BSPH1: variants seen among roughly 807,000 people sequenced by gnomAD.
BSPH1 encodes binder of sperm protein homolog 1, also known as binder of sperm 1.
A neutral mutation model predicts 22.5 loss-of-function variants in BSPH1; 21 were observed. That is an observed-to-expected ratio of 0.93 (90% CI 0.66 to 1.35). The LOEUF is 1.35. Among genes scored for constraint, BSPH1 ranks in the 40% most tolerant of loss-of-function variants. BSPH1 has a pLI of 0.00. For synonymous variants in BSPH1, 42 were observed against 53.6 expected, an observed-to-expected ratio of 0.78 and a Z score of 0.95; for missense variants, 141 against 154.2, an observed-to-expected ratio of 0.91 and a Z score of 0.45.
chr19:47,980,477 CTTTTT>C (rs11363158), intron 2 of BSPH1: 47 of 204,428 alleles, frequency 2.3e-4, no homozygotes, highest in Non-Finnish European at 3.2e-4. Flanking sequence ...CTTCTTCTTT[CTTTTT>C]TTTTTTTTTT....
chr19:47,970,244 A>G (rs891428022), intron 5 of BSPH1, among the ~76,000 whole-genome samples: 1 of 152,034 alleles, frequency 6.6e-6, no homozygotes, highest in Admixed American at 6.6e-5. Flanking sequence ...TTTTTAGTAG[A>G]GACTGGGCTT....
At chr19:47,988,706 A>T (rs567671811) in intron 1 of BSPH1, among the ~76,000 whole-genome samples, 20 of 152,290 alleles carry the variant, frequency 1.3e-4, no homozygotes, top group African/African-American at 4.8e-4. Flanking sequence ...TGAACTGGCA[A>T]AAGTGAAAAC....
chr19:47,977,314 G>T (rs1353723146), intron 4 of BSPH1, 59 bp downstream of exon 4: 1 of 1,378,644 alleles, frequency 7.3e-7, no homozygotes. Context: ...TTTTGCCTCA[G>T]ATCCCAGCCT....
intron 3 of BSPH1, among the ~76,000 whole-genome samples, chr19:47,979,363 TAA>T (rs1969397119): frequency 6.6e-6 from 1 of 152,202 alleles, no homozygotes; most frequent in Non-Finnish European, 1.5e-5. Flanking sequence ...TGGCAGAAAT[TAA>T]AGAGTAGACA....
intron 5 of BSPH1, among the ~76,000 whole-genome samples, chr19:47,969,684 G>GGGAGAGAGAGA (rs1162877914): frequency 8.8e-6 from 1 of 113,858 alleles, no homozygotes; most frequent in Non-Finnish European, 1.7e-5. Context: ...AGGGAGAGGG[G>GGGAGAGAGAGA]GAGAGAGAGA....
chr19:47,983,482 T>G lies in BSPH1; in HGVS notation c.74-2541A>C, dbSNP rs558975472. On this transcript the variant is annotated intron_variant, in intron 1 of 5. Transcript: ENST00000344839. The stretch of plus-strand genomic sequence containing the variant: ...ACGAGTGATTCCAACATAGCCTGTC[T>G]GCTAAGCACTATGATCTTAGAACAG... Among the ~76,000 whole-genome samples the G allele has an allele frequency of 6.6e-5, 10 of 152,278 alleles. No homozygotes were observed. The East Asian group carries it at 1.9e-3, about 29-fold the overall frequency.
chr19:47,973,257 T>C (rs1457600433), intron 5 of BSPH1, among the ~76,000 whole-genome samples: 1 of 142,168 alleles, frequency 7.0e-6, no homozygotes, highest in Non-Finnish European at 1.5e-5. Flanking sequence ...ATAATAATAA[T>C]AATAATGTAG....
Position 47,991,319 on chromosome 19 carries a change from C to T in BSPH1, c.73+690G>A, listed in dbSNP as rs570492092. On this transcript the variant is annotated intron_variant, in intron 1 of 5. Transcript: ENST00000344839. ...CCAGCTGATGTCCAAGATTTTATAG[C>T]CCCTGGAACTAACCACAACCACTTC... 2.0e-4 allele frequency among the ~76,000 whole-genome samples: 31 copies of T among 152,114 alleles called. No individual in the cohort carries two copies. In the South Asian group the frequency reaches 6.2e-3, roughly 31 times the overall value.
Position 47,976,855 on chromosome 19 carries a change from C to G in BSPH1, c.257-1G>C. The G allele has an allele frequency of 6.4e-7, 1 of 1,551,130 alleles. No homozygotes were observed. Among genetic ancestry groups the G allele is most frequent in the Non-Finnish European group, 8.7e-7 (1 of 1,146,826 alleles). ...AAGGGAAATACACAGTTTGCAAAAT[C>G]TGCAGAGGAGGAAGAGGAAGAAGCA... On this transcript the variant is annotated splice_acceptor_variant, in intron 4 of 5. Transcript: ENST00000344839. LOFTEE classifies it high-confidence loss of function.
intron 1 of BSPH1, among the ~76,000 whole-genome samples, chr19:47,986,052 G>A (rs1969467418): frequency 1.3e-5 from 2 of 152,128 alleles, no homozygotes; most frequent in African/African-American, 4.8e-5. Context: ...AGCCCCAGAG[G>A]AGGGAGGAGT....
chr19:47,990,265 C>T (rs1969511378), intron 1 of BSPH1, among the ~76,000 whole-genome samples: 1 of 151,924 alleles, frequency 6.6e-6, no homozygotes, highest in South Asian at 2.1e-4. Flanking sequence ...CTAACGAGCC[C>T]GGGGCCCATG....
At position 47,976,720 on chromosome 19, in the gene BSPH1, A is replaced by T. The variant is rs1408518760; in HGVS notation, c.391T>A (p.Cys131Ser). Residue 131 changes from cysteine to serine, a missense_variant, in exon 5 of 6, where the codon TGT becomes AGT. Coordinates refer to ENST00000344839, the MANE Select transcript of BSPH1 (RefSeq NM_001128326.2). ...CCTGGTAAATCTCACCATCATTCACAGTATTTCCAAATTCGGTCCTTGTTA... is the reference window on the plus strand; with the variant it reads ...CCTGGTAAATCTCACCATCATTCACTGTATTTCCAAATTCGGTCCTTGTTA... Reference protein sequence around the residue: ...NFNKDRIWKYCE With the variant: ...NFNKDRIWKYSE 23 of 1,551,754 alleles carry T rather than the reference A, an allele frequency of 1.5e-5. No homozygotes were observed. The highest frequency in any genetic ancestry group is 1.9e-5 in the Non-Finnish European group (22 of 1,146,982).
intron 2 of BSPH1, chr19:47,980,485 T>C (rs1444091316): frequency 5.1e-4 from 184 of 360,042 alleles, no homozygotes; most frequent in Non-Finnish European, 6.5e-4. Context: ...TTCTTTTTTT[T>C]TTTTTTTTTT....
intron 3 of BSPH1, among the ~76,000 whole-genome samples, chr19:47,978,025 TATATAG>T (rs1338178338): frequency 8.9e-5 from 13 of 145,962 alleles, no homozygotes; most frequent in African/African-American, 2.7e-4. Context: ...TATATATATA[TATATAG>T]TTATAGGTGC....
intron 1 of BSPH1, among the ~76,000 whole-genome samples, chr19:47,985,262 G>A (rs2122260777): frequency 6.6e-6 from 1 of 151,978 alleles, no homozygotes; most frequent in African/African-American, 2.4e-5. Context: ...GCCAGAGGGG[G>A]AAAAATACCT....
chr19:47,979,644 G>C, intron 2 of BSPH1, 45 bp from the exon 3 acceptor site: 1 of 905,718 alleles, frequency 1.1e-6, no homozygotes. Context: ...ACTATTATTA[G>C]GCTTTAAAAT....
At chr19:47,976,250 G>T (rs534871237) in intron 5 of BSPH1, among the ~76,000 whole-genome samples, 2 of 152,024 alleles carry the variant, frequency 1.3e-5, no homozygotes, top group South Asian at 4.2e-4. Context: ...TCAGCTTCCC[G>T]AGTAGCTGAG....
At chr19:47,967,514 C>T (rs2122233205), downstream of BSPH1, among the ~76,000 whole-genome samples, 1 of 152,286 alleles carries the variant, frequency 6.6e-6, no homozygotes, top group South Asian at 2.1e-4. Flanking sequence ...TTGGTTTCCT[C>T]AAAGCGTCTC....
chr19:47,973,051 T>C (rs940952120), intron 5 of BSPH1, among the ~76,000 whole-genome samples: 1 of 151,330 alleles, frequency 6.6e-6, no homozygotes, highest in Non-Finnish European at 1.5e-5. Context: ...CCCCGTCTCT[T>C]CTAAAAATAC....
Sources: allele counts gnomAD v4.1 joint callset (sites outside exome capture counted in the v4.1 genomes callset), GRCh38; gene constraint gnomAD v4.1.1; transcripts MANE v1.5; gene names NCBI Gene and HGNC (gene_info 2026-07-23, HGNC 2026-07-21).